Variants in SAMD12 observed in about 807,000 individuals in gnomAD.
SAMD12 encodes sterile alpha motif domain containing 12, also known as sterile alpha motif domain-containing protein 12.
A neutral mutation model predicts 15.0 loss-of-function variants in SAMD12; 9 were observed. The ratio of observed to expected loss-of-function variants is 0.60; its 90% CI spans 0.36 to 1.05. The LOEUF (loss-of-function observed/expected upper bound fraction) is 1.05. SAMD12 is among the 50% of genes least tolerant of loss of function. The pLI is 0.01. For missense variants in SAMD12, 230 were observed against 234.2 expected, an observed-to-expected ratio of 0.98 and a Z score of 0.12; for synonymous variants, 86 against 90.1, an observed-to-expected ratio of 0.96 and a Z score of 0.25.
intron 4 of SAMD12, among the ~76,000 whole-genome samples, chr8:118,363,720 C>T (rs934058865): frequency 3.3e-5 from 5 of 152,218 alleles, no homozygotes; most frequent in South Asian, 2.1e-4. Context: ...CTTCTCTATA[C>T]ATACATACAT....
chr8:118,555,893 G>C (rs1156323408), intron 2 of SAMD12, among the ~76,000 whole-genome samples: 1 of 152,210 alleles, frequency 6.6e-6, no homozygotes, highest in African/African-American at 2.4e-5. Flanking sequence ...GGATCCTTGA[G>C]GAGTGTGTCA....
intron 3 of SAMD12, among the ~76,000 whole-genome samples, chr8:118,380,553 T>A (rs1248586602): frequency 6.6e-6 from 1 of 152,174 alleles, no homozygotes; most frequent in Non-Finnish European, 1.5e-5. Context: ...TAAGCATATT[T>A]CCATTTTGAG....
intron 2 of SAMD12, among the ~76,000 whole-genome samples, chr8:118,571,004 C>T (rs1202263786): frequency 2.0e-5 from 3 of 152,132 alleles, no homozygotes; most frequent in African/African-American, 7.2e-5. Context: ...CTTCCAGCCA[C>T]GTGGAAGTGT....
chr8:118,170,327 C>T, the SAMD12 span, among the ~76,000 whole-genome samples: 1 of 152,130 alleles, frequency 6.6e-6, no homozygotes, highest in Non-Finnish European at 1.5e-5. Context: ...GACTTGAAAA[C>T]TGATATATCT....
the SAMD12 span, among the ~76,000 whole-genome samples, chr8:118,165,776 A>G: frequency 6.6e-6 from 1 of 151,646 alleles, no homozygotes; most frequent in East Asian, 1.9e-4. Context: ...GGTTCACAAA[A>G]TGTTCTCTTC....
At chr8:118,218,107 T>C (rs1009441058) in intron 4 of SAMD12, among the ~76,000 whole-genome samples, 3 of 152,196 alleles carry the variant, frequency 2.0e-5, no homozygotes, top group Admixed American at 6.5e-5. Context: ...AAGACAAGTA[T>C]ACTGATTACA....
chr8:118,447,682 A>ATTT (rs995529163), intron 2 of SAMD12, among the ~76,000 whole-genome samples: 1 of 143,912 alleles, frequency 6.9e-6, no homozygotes, highest in African/African-American at 2.7e-5. Context: ...CTTTCATTTT[A>ATTT]TTTTTTTATT....
At chr8:118,299,270 G>A (rs1814890516) in intron 4 of SAMD12, among the ~76,000 whole-genome samples, 1 of 152,168 alleles carries the variant, frequency 6.6e-6, no homozygotes, top group African/African-American at 2.4e-5. Flanking sequence ...CATTTAGTAA[G>A]GTTGGTGGAG....
intron 4 of SAMD12, among the ~76,000 whole-genome samples, chr8:118,263,494 A>C (rs7846380): frequency 0.11 from 16,230 of 152,048 alleles, 2,119 homozygotes; most frequent in African/African-American, 0.3. Context: ...GGCACAGACA[A>C]ATGTACCCCA....
chr8:118,313,372 T>C (rs532319592), intron 4 of SAMD12, among the ~76,000 whole-genome samples: 1 of 152,158 alleles, frequency 6.6e-6, no homozygotes, highest in Non-Finnish European at 1.5e-5. Context: ...CACTTGTATT[T>C]CTCCACTTGG....
intron 4 of SAMD12, among the ~76,000 whole-genome samples, chr8:118,316,919 C>T (rs573069448): frequency 1.3e-3 from 196 of 150,452 alleles, no homozygotes; most frequent in African/African-American, 4.1e-3. Context: ...CCTCCCAAAG[C>T]GCTGGGATTA....
At chr8:118,336,134 C>T (rs1817045413) in intron 4 of SAMD12, among the ~76,000 whole-genome samples, 2 of 152,186 alleles carry the variant, frequency 1.3e-5, no homozygotes, top group South Asian at 4.1e-4. Context: ...TAATCTGATG[C>T]TAGTCACATG....
the SAMD12 span, among the ~76,000 whole-genome samples, chr8:118,174,519 G>C: frequency 6.6e-6 from 1 of 152,092 alleles, no homozygotes; most frequent in African/African-American, 2.4e-5. Flanking sequence ...TTGGGTCTAG[G>C]TGCTTGGGAA....
chr8:118,418,880 T>C (rs781043939), intron 3 of SAMD12, among the ~76,000 whole-genome samples: 3 of 152,236 alleles, frequency 2.0e-5, no homozygotes, highest in Non-Finnish European at 4.4e-5. Context: ...TTCTAGTCCA[T>C]CTGTCCCTGA....
At chr8:118,570,842 C>A (rs910005951) in intron 2 of SAMD12, among the ~76,000 whole-genome samples, 1 of 152,090 alleles carries the variant, frequency 6.6e-6, no homozygotes, top group Non-Finnish European at 1.5e-5. Context: ...GCAAGTCTTT[C>A]CCATGCTGTT....
At chr8:118,167,763 A>G in the SAMD12 span, among the ~76,000 whole-genome samples, 1 of 152,084 alleles carries the variant, frequency 6.6e-6, no homozygotes, top group South Asian at 2.1e-4. Context: ...AAGATATGCT[A>G]AGTCCTAACA....
At chr8:118,288,064 G>A (rs1814149085) in intron 4 of SAMD12, among the ~76,000 whole-genome samples, 1 of 152,064 alleles carries the variant, frequency 6.6e-6, no homozygotes, top group Non-Finnish European at 1.5e-5. Context: ...ACCAAGCGTG[G>A]GCCTATGAGC....
intron 4 of SAMD12, among the ~76,000 whole-genome samples, chr8:118,298,020 G>T (rs967762828): frequency 6.6e-6 from 1 of 152,114 alleles, no homozygotes; most frequent in East Asian, 1.9e-4. Context: ...CCTGCTTTGC[G>T]ATGCTCCCAT....
chr8:118,575,693 T>C (rs1355947954), intron 2 of SAMD12, among the ~76,000 whole-genome samples: 1 of 152,054 alleles, frequency 6.6e-6, no homozygotes, highest in Admixed American at 6.5e-5. Context: ...GAATTAGCAT[T>C]GTGGCAGGAA....
Sources: gnomAD v4.1 joint callset for allele counts (sites outside exome capture counted in the v4.1 genomes callset) on GRCh38, gnomAD v4.1.1 for gene constraint, MANE v1.5 for transcripts, NCBI Gene and HGNC (gene_info 2026-07-23, HGNC 2026-07-21) for gene names.